The following SLC28A3 variants were observed in gnomAD, a reference collection of about 807,000 sequenced individuals.
SLC28A3 encodes the protein solute carrier family 28 member 3, also known as concentrative Na(+)-nucleoside cotransporter 3.
Under a neutral mutation model 84.2 loss-of-function variants are expected in SLC28A3, and 68 were observed. The observed-to-expected ratio is 0.81, with a 90% CI of 0.66 to 0.99. The LOEUF is 0.99. Among genes scored for constraint, SLC28A3 ranks in the 50% least tolerant of loss-of-function variants. SLC28A3 has a pLI of 0.00. For missense variants in SLC28A3, 712 were observed against 841.5 expected, an observed-to-expected ratio of 0.85 and a Z score of 1.90; for synonymous variants, 267 against 303.6, an observed-to-expected ratio of 0.88 and a Z score of 1.25.
At chr9:84,366,508 G>T in the SLC28A3 span, among the ~76,000 whole-genome samples, 1 of 152,234 alleles carries the variant, frequency 6.6e-6, no homozygotes, top group East Asian at 1.9e-4. Context: ...TTCACTGTCT[G>T]GGCTTGTTAG....
At chr9:84,278,516 A>G in intron 17 of SLC28A3, 172 bp from the exon 18 acceptor site, 1 of 736,636 alleles carries the variant, frequency 1.4e-6, no homozygotes. Flanking sequence ...TGGCTCCTAA[A>G]TTCTGGGTGT....
chr9:84,330,701 A>T (rs117551297), intron 1 of SLC28A3, among the ~76,000 whole-genome samples: 1 of 152,246 alleles, frequency 6.6e-6, no homozygotes. Context: ...GTAGCATTAG[A>T]GTTGACATGT....
the SLC28A3 span, among the ~76,000 whole-genome samples, chr9:84,366,526 C>T: frequency 6.6e-6 from 1 of 152,106 alleles, no homozygotes; most frequent in Non-Finnish European, 1.5e-5. Context: ...TAGTACCTGT[C>T]CTTCTTGGGA....
intron 5 of SLC28A3, among the ~76,000 whole-genome samples, chr9:84,301,777 TCATGGTGCC>T (rs1356728272): frequency 4.6e-5 from 7 of 152,198 alleles, no homozygotes; most frequent in African/African-American, 1.7e-4. Context: ...TACTGATTGA[TCATGGTGCC>T]CTCCCACTGA....
At chr9:84,321,377 C>A (rs937961745) in intron 1 of SLC28A3, among the ~76,000 whole-genome samples, 10 of 151,972 alleles carry the variant, frequency 6.6e-5, no homozygotes, top group Non-Finnish European at 1.3e-4. Context: ...AATGGGCACA[C>A]TAGACCAACA....
At chr9:84,336,727 A>G (rs1826988561) in intron 1 of SLC28A3, among the ~76,000 whole-genome samples, 1 of 152,158 alleles carries the variant, frequency 6.6e-6, no homozygotes, top group Admixed American at 6.5e-5. Context: ...TCCTTCTAAA[A>G]TGCCTTAGCA....
chr9:84,279,585 G>T lies in SLC28A3; in HGVS notation c.1829-200C>A, dbSNP rs184324447. On this transcript the variant is annotated intron_variant, in intron 16 of 17. Coordinates refer to ENST00000376238, the MANE Select transcript of SLC28A3 (RefSeq NM_001199633.2). ...GCCTCCCAAGTAGCTGGGATTACAG[G>T]CACGCACCCAGCTAATTTTTGTATT... 1.0e-3 allele frequency among the ~76,000 whole-genome samples: 159 copies of T among 152,232 alleles called. 2 individuals are homozygous for T. The highest frequency in any genetic ancestry group is 3.4e-3 in the African/African-American group (141 of 41,562).
intron 11 of SLC28A3, 54 bp from the exon 12 acceptor site, chr9:84,288,232 CAGAGGAAGGGT>C: frequency 5.6e-6 from 9 of 1,609,964 alleles, no homozygotes; most frequent in Non-Finnish European, 7.6e-6. Flanking sequence ...TTCTTGTGTT[CAGAGGAAGGGT>C]CCAAGAGCTC....
Position 84,319,433 on chromosome 9 carries a change from G to A in SLC28A3, c.61-5979C>T, listed in dbSNP as rs557830460. 8.8e-4 allele frequency among the ~76,000 whole-genome samples: 134 copies of A among 152,316 alleles called. 2 individuals carry two copies. Among genetic ancestry groups the A allele is most frequent in the African/African-American group, 3.1e-3 (130 of 41,572 alleles). On this transcript the variant is annotated intron_variant, in intron 1 of 17. Transcript: ENST00000376238. ...TAATCCCAGCACTTTGGGGGGCTGAGGCAGACGGGTCACTTGGACTCAGGA... is the reference window on the plus strand; with the variant it reads ...TAATCCCAGCACTTTGGGGGGCTGAAGCAGACGGGTCACTTGGACTCAGGA...
chr9:84,280,372 G>T (rs1252199397), intron 15 of SLC28A3, among the ~76,000 whole-genome samples: 1 of 152,140 alleles, frequency 6.6e-6, no homozygotes, highest in Non-Finnish European at 1.5e-5. Context: ...TCATGGCAAG[G>T]CAAAAGAGTG....
At chr9:84,366,572 T>C in the SLC28A3 span, among the ~76,000 whole-genome samples, 1 of 152,184 alleles carries the variant, frequency 6.6e-6, no homozygotes, top group African/African-American at 2.4e-5. Flanking sequence ...TAGAGTGTTG[T>C]AATCTAAGCT....
At chr9:84,302,435 G>A in intron 4 of SLC28A3, 46 bp from the exon 5 acceptor site, 4 of 1,582,522 alleles carry the variant, frequency 2.5e-6, no homozygotes, top group Non-Finnish European at 2.6e-6. Context: ...TAACCACTGG[G>A]ACACGCCTCC....
chr9:84,328,488 G>A lies in SLC28A3; in HGVS notation c.60+12086C>T, dbSNP rs78089006. Among the ~76,000 whole-genome samples the A allele has an allele frequency of 6.2e-3, 938 of 152,054 alleles. 17 individuals are homozygous for A. The highest frequency in any genetic ancestry group is 0.022 in the African/African-American group (905 of 41,416). On this transcript the variant is annotated intron_variant, in intron 1 of 17. Transcript: ENST00000376238. ...AAATAGAAAAGTTAGGCAGGGTGTG[G>A]TGGCTCACACCTGTAATCCCAGCAC...
intron 12 of SLC28A3, among the ~76,000 whole-genome samples, chr9:84,286,868 C>T (rs942666489): frequency 6.6e-6 from 1 of 152,066 alleles, no homozygotes; most frequent in Non-Finnish European, 1.5e-5. Context: ...CTCATCATCC[C>T]CTTTCTATAC....
At chr9:84,343,440 A>T (rs1266946181), upstream of SLC28A3, among the ~76,000 whole-genome samples, 1 of 152,154 alleles carries the variant, frequency 6.6e-6, no homozygotes, top group Non-Finnish European at 1.5e-5. Context: ...TGTTATCATG[A>T]TACAGACTGT....
chr9:84,314,318 A>G (rs1349944440), intron 1 of SLC28A3, among the ~76,000 whole-genome samples: 6 of 152,130 alleles, frequency 3.9e-5, no homozygotes, highest in African/African-American at 1.4e-4. Flanking sequence ...AGAAGTGACA[A>G]ACACTGGACC....
At chr9:84,324,158 T>C (rs554293690) in intron 1 of SLC28A3, among the ~76,000 whole-genome samples, 1 of 152,302 alleles carries the variant, frequency 6.6e-6, no homozygotes, top group South Asian at 2.1e-4. Flanking sequence ...CAGCACACCA[T>C]GTAAATAGAC....
At chr9:84,315,033 C>T (rs905072417) in intron 1 of SLC28A3, among the ~76,000 whole-genome samples, 3 of 152,254 alleles carry the variant, frequency 2.0e-5, no homozygotes, top group Non-Finnish European at 2.9e-5. Flanking sequence ...GCTGAGATCA[C>T]ACCACTCTGC....
chr9:84,301,778 C>T (rs1235220638), intron 5 of SLC28A3, among the ~76,000 whole-genome samples: 2 of 152,144 alleles, frequency 1.3e-5, no homozygotes, highest in Non-Finnish European at 1.5e-5. Context: ...ACTGATTGAT[C>T]ATGGTGCCCT....
Sources: gnomAD v4.1 joint callset for allele counts (sites outside exome capture counted in the v4.1 genomes callset) on GRCh38, gnomAD v4.1.1 for gene constraint, MANE v1.5 for transcripts, NCBI Gene and HGNC (gene_info 2026-07-23, HGNC 2026-07-21) for gene names.